Variants in GOLGB1 observed in about 807,000 individuals in gnomAD.
The protein encoded by GOLGB1 is golgin subfamily B member 1.
In GOLGB1, 174 loss-of-function variants were observed where a neutral mutation model predicts 336.9. The ratio of observed to expected loss-of-function variants is 0.52; its 90% CI spans 0.46 to 0.59. The LOEUF (loss-of-function observed/expected upper bound fraction) is 0.59. Ranked by LOEUF, GOLGB1 falls within the 20% of genes least tolerant of loss-of-function variation. The pLI, the probability that GOLGB1 is intolerant of heterozygous loss-of-function variation, is 0.00. For missense variants in GOLGB1, 3,331 were observed against 3,645.3 expected, an observed-to-expected ratio of 0.91 and a Z score of 2.22; for synonymous variants, 1,208 against 1,289.2, an observed-to-expected ratio of 0.94 and a Z score of 1.35.
intron 20 of GOLGB1, among the ~76,000 whole-genome samples, chr3:121,666,812 C>T (rs1007683302): frequency 6.6e-6 from 1 of 152,206 alleles, no homozygotes; most frequent in Non-Finnish European, 1.5e-5. Flanking sequence ...TGTAGCAACT[C>T]TCTATCCTCT....
chr3:121,699,041 A>C, intron 12 of GOLGB1, 112 bp from the exon 13 acceptor site: 1 of 783,264 alleles, frequency 1.3e-6, no homozygotes, highest in Non-Finnish European at 2.0e-6. Context: ...TTTTTGGTCA[A>C]AACCTTCTTT....
intron 1 of GOLGB1, among the ~76,000 whole-genome samples, chr3:121,745,411 T>G (rs1235816751): frequency 2.9e-5 from 2 of 68,170 alleles, no homozygotes; most frequent in Non-Finnish European, 2.8e-5. Flanking sequence ...TGTATGTATA[T>G]ATACATATGT....
chr3:121,736,063 T>G (rs750090794), intron 1 of GOLGB1, among the ~76,000 whole-genome samples: 2 of 152,124 alleles, frequency 1.3e-5, no homozygotes, highest in Non-Finnish European at 2.9e-5. Context: ...ACAATAATAT[T>G]GGATTATATG....
chr3:121,704,888 G>T (rs543357957), intron 10 of GOLGB1, among the ~76,000 whole-genome samples: 130 of 148,850 alleles, frequency 8.7e-4, no homozygotes, highest in African/African-American at 3.1e-3. Flanking sequence ...TTTTAGATAA[G>T]AAAAAAACTA....
chr3:121,696,249 G>A lies in GOLGB1; in HGVS notation c.4274C>T (p.Ala1425Val). ...CTCTGTCTGTATTTTAGTGAGAGCT[G>A]CTTCTTTCTCACTAAGTTGTCCAGA... ...YLSGQLSEKE[A>V]ALTKIQTEII... Residue 1425 changes from alanine to valine, a missense_variant, in exon 13 of 22, where the codon GCA becomes GTA. By Grantham distance (64) the Ala-to-Val change is moderately conservative. Transcript: ENST00000614479. The A allele has an allele frequency of 1.2e-6, 2 of 1,613,750 alleles. No individual in the cohort carries two copies. The highest frequency in any genetic ancestry group is 1.1e-5 in the South Asian group (1 of 91,050).
chr3:121,744,862 A>G (rs1203760655), intron 1 of GOLGB1, among the ~76,000 whole-genome samples: 1 of 152,186 alleles, frequency 6.6e-6, no homozygotes, highest in Non-Finnish European at 1.5e-5. Flanking sequence ...AGCAGGTGAC[A>G]TAGTGGGAAG....
rs1245243550 is a variant in GOLGB1 at position 121,694,480 on chromosome 3, G to T, written c.6043C>A (p.Leu2015Ile). ...TGTTTTTCTTTTAACAGTTCCTGAA[G>T]TTCCTTTGCATGGCTTTTATTTCCG... ...EPGNKSHAKE[L>I]QELLKEKQQE... Residue 2015 changes from leucine (L) to isoleucine (I), a missense_variant, in exon 13 of 22, where the codon CTT becomes ATT. Leu to Ile is a conservative substitution (Grantham distance 5). Transcript: ENST00000614479. The T allele has an allele frequency of 6.2e-7, 1 of 1,611,814 alleles. No individual in the cohort carries two copies. Among genetic ancestry groups the T allele is most frequent in the South Asian group, 1.1e-5 (1 of 90,528 alleles).
At chr3:121,667,340 T>C (rs1938768778) in intron 20 of GOLGB1, 136 bp downstream of exon 20, 3 of 846,838 alleles carry the variant, frequency 3.5e-6, no homozygotes, top group East Asian at 2.5e-5. Context: ...GTGACCACAA[T>C]GTTGGTAAAC....
At chr3:121,742,465 T>C (rs547395497) in intron 1 of GOLGB1, among the ~76,000 whole-genome samples, 5 of 152,190 alleles carry the variant, frequency 3.3e-5, no homozygotes, top group African/African-American at 9.6e-5. Context: ...CAAAAATTAA[T>C]TCAAGATGGA....
At chr3:121,736,529 CA>C (rs1234404763) in intron 1 of GOLGB1, among the ~76,000 whole-genome samples, 4 of 152,124 alleles carry the variant, frequency 2.6e-5, no homozygotes, top group Non-Finnish European at 4.4e-5. Flanking sequence ...CAATACTCTT[CA>C]AAACTGTCAA....
Position 121,695,636 on chromosome 3 carries a change from A to G in GOLGB1, c.4887T>C (p.Asn1629=). 2.5e-6 allele frequency: 4 copies of G among 1,613,608 alleles called. No homozygotes were observed. Among genetic ancestry groups the G allele is most frequent in the Non-Finnish European group, 3.4e-6 (4 of 1,179,950 alleles). The part of the protein sequence containing the change: ...EYEILLQSYE[N]VSNEAERIQH... Reference sequence around the variant, plus strand: ...GAATCCTTTCTGCTTCATTACTAACATTCTCATAGGACTGCAGAAGAATTT... The same window carrying G: ...GAATCCTTTCTGCTTCATTACTAACGTTCTCATAGGACTGCAGAAGAATTT... The change falls in exon 13 of 22, where the codon AAT becomes AAC. Residue 1629 remains asparagine (N), a synonymous_variant. Coordinates refer to ENST00000614479, the MANE Select transcript of GOLGB1 (RefSeq NM_001366282.2).
intron 17 of GOLGB1, among the ~76,000 whole-genome samples, chr3:121,675,128 G>A (rs1345478193): frequency 2.6e-5 from 4 of 152,116 alleles, no homozygotes; most frequent in African/African-American, 9.7e-5. Context: ...GAGCCACCGC[G>A]CCCGGCCTGA....
At chr3:121,748,035 T>C (rs1365181547) in intron 1 of GOLGB1, among the ~76,000 whole-genome samples, 3 of 151,746 alleles carry the variant, frequency 2.0e-5, no homozygotes, top group Non-Finnish European at 2.9e-5. Flanking sequence ...CAACATCCCT[T>C]TAATTAATCC....
intron 11 of GOLGB1, among the ~76,000 whole-genome samples, chr3:121,700,441 G>A (rs759354149): frequency 3.3e-5 from 5 of 152,116 alleles, no homozygotes; most frequent in Admixed American, 6.5e-5. Flanking sequence ...CCCAAGTTCT[G>A]TGACAATGTG....
At chr3:121,665,671 C>T (rs1410501900) in intron 20 of GOLGB1, among the ~76,000 whole-genome samples, 6 of 152,202 alleles carry the variant, frequency 3.9e-5, no homozygotes, top group Admixed American at 6.5e-5. Flanking sequence ...CCATTACTCA[C>T]TCAATGGTTA....
At chr3:121,720,821 C>G (rs1441714759) in intron 6 of GOLGB1, among the ~76,000 whole-genome samples, 2 of 152,148 alleles carry the variant, frequency 1.3e-5, no homozygotes, top group African/African-American at 2.4e-5. Flanking sequence ...CCCAGCTTGT[C>G]TGGAATATTA....
In GOLGB1 at chr3:121,730,984, A is replaced by G. The variant is rs375536176; in HGVS notation, c.-2-11T>C. The G allele has an allele frequency of 7.6e-5, 122 of 1,608,014 alleles. No individual in the cohort carries two copies. The African/African-American group carries it at 1.4e-3, about 18-fold the overall frequency. ...ATCGGCTCAGCATTTCTGTAGGAAA[A>G]GAAGGGGGGAAAAAACCTAAGAATC... On this transcript the variant is annotated splice_polypyrimidine_tract_variant and intron_variant, in intron 1 of 21. Transcript: ENST00000614479.
intron 1 of GOLGB1, among the ~76,000 whole-genome samples, chr3:121,742,567 T>G (rs1478800185): frequency 6.6e-6 from 1 of 152,132 alleles, no homozygotes; most frequent in African/African-American, 2.4e-5. Context: ...GGCAAAGACT[T>G]CATGACTAAA....
intron 8 of GOLGB1, 27 bp from the exon 9 acceptor site, chr3:121,717,166 G>A: frequency 6.5e-7 from 1 of 1,539,244 alleles, no homozygotes; most frequent in African/African-American, 1.4e-5. Context: ...AGTCTCATGA[G>A]CCATAAATAC....
Sources: gnomAD v4.1 joint callset for allele counts (sites outside exome capture counted in the v4.1 genomes callset) on GRCh38, gnomAD v4.1.1 for gene constraint, MANE v1.5 for transcripts, NCBI Gene and HGNC (gene_info 2026-07-23, HGNC 2026-07-21) for gene names.